Variants in ANKRD12 observed in about 807,000 individuals in gnomAD.
ANKRD12 encodes the protein ankyrin repeat domain-containing protein 12.
In ANKRD12, 85 loss-of-function variants were observed where a neutral mutation model predicts 183.4. The ratio of observed to expected loss-of-function variants is 0.46; its 90% CI spans 0.39 to 0.56. The LOEUF (loss-of-function observed/expected upper bound fraction) is 0.56. ANKRD12 is among the 20% of genes least tolerant of loss of function. The probability of loss-of-function intolerance (pLI) is 0.00; values close to 1 mark genes in which losing one functional copy is unlikely to be tolerated. For missense variants in ANKRD12, 2,405 were observed against 2,357.1 expected (o/e 1.02, Z -0.42); for synonymous variants, 914 against 800.2 (o/e 1.14, Z -2.40).
At chr18:9,249,537 A>T (rs1004704026) in intron 8 of ANKRD12, 1 of 152,232 alleles carries the variant, frequency 6.6e-6, no homozygotes, top group African/African-American at 2.4e-5. Flanking sequence ...AACCACTTCA[A>T]ATAAACATAA....
chr18:9,264,011 G>A, intron 10 of ANKRD12, 123 bp downstream of exon 10: 1 of 935,480 alleles, frequency 1.1e-6, no homozygotes, highest in South Asian at 3.4e-5. Context: ...GAAGTGATTT[G>A]GTTTTATCTT....
chr18:9,137,339 C>T (rs577528612), intron 1 of ANKRD12, among the ~76,000 whole-genome samples: 3 of 146,642 alleles, frequency 2.0e-5, no homozygotes, highest in Non-Finnish European at 3.0e-5. Context: ...GCGAGCTGGC[C>T]TCGTCGCGGG....
At chr18:9,247,890 G>A (rs1356107724) in intron 8 of ANKRD12, among the ~76,000 whole-genome samples, 3 of 152,018 alleles carry the variant, frequency 2.0e-5, no homozygotes, top group East Asian at 1.9e-4. Context: ...AGGTTCAAGC[G>A]ATTCTCCTGC....
chr18:9,182,341 T>G (rs1363540593), intron 1 of ANKRD12, 41 bp from the exon 2 acceptor site: 3 of 238,472 alleles, frequency 1.3e-5, no homozygotes, highest in Non-Finnish European at 1.5e-5. Flanking sequence ...TAACCTATTG[T>G]ATATATATTC....
intron 10 of ANKRD12, among the ~76,000 whole-genome samples, chr18:9,264,208 G>A (rs1318913427): frequency 6.6e-6 from 1 of 152,118 alleles, no homozygotes; most frequent in Non-Finnish European, 1.5e-5. Flanking sequence ...TCATTGCTTG[G>A]TACCAGCTGT....
intron 8 of ANKRD12, among the ~76,000 whole-genome samples, chr18:9,226,926 G>A (rs975022147): frequency 6.6e-6 from 1 of 152,142 alleles, no homozygotes; most frequent in Admixed American, 6.6e-5. Flanking sequence ...TATCCGCAGA[G>A]ATGGTAATTA....
chr18:9,243,170 T>G (rs2037758649), intron 8 of ANKRD12, among the ~76,000 whole-genome samples: 1 of 152,242 alleles, frequency 6.6e-6, no homozygotes, highest in South Asian at 2.1e-4. Flanking sequence ...ATGTACATAA[T>G]TCTTGAATAC....
At chr18:9,240,554 T>G (rs973012388) in intron 8 of ANKRD12, among the ~76,000 whole-genome samples, 3 of 152,322 alleles carry the variant, frequency 2.0e-5, no homozygotes. Context: ...GAGGTTTTGT[T>G]AACAACTTTG....
chr18:9,209,425 C>G (rs1249044409), intron 5 of ANKRD12, among the ~76,000 whole-genome samples: 1 of 152,092 alleles, frequency 6.6e-6, no homozygotes, highest in African/African-American at 2.4e-5. Context: ...GCCCTGAATT[C>G]AAAGCAATTT....
chr18:9,271,446 G>T (rs2039599661), intron 10 of ANKRD12, among the ~76,000 whole-genome samples: 3 of 152,154 alleles, frequency 2.0e-5, no homozygotes, highest in Non-Finnish European at 4.4e-5. Context: ...GTGAACCCAG[G>T]AGGCGGAGGT....
At chr18:9,187,083 G>A (rs537057287) in intron 2 of ANKRD12, among the ~76,000 whole-genome samples, 1 of 152,062 alleles carries the variant, frequency 6.6e-6, no homozygotes, top group South Asian at 2.1e-4. Context: ...ATAGTGAGTG[G>A]CATTGAAGTC....
intron 4 of ANKRD12, 27 bp from the exon 5 acceptor site, chr18:9,208,630 T>C: frequency 6.3e-7 from 1 of 1,583,430 alleles, no homozygotes; most frequent in Non-Finnish European, 8.6e-7. Context: ...TTGTTTCAAA[T>C]TCTTACATAT....
intron 8 of ANKRD12, among the ~76,000 whole-genome samples, chr18:9,249,910 G>A (rs939372570): frequency 4.6e-5 from 7 of 152,216 alleles, no homozygotes; most frequent in Non-Finnish European, 7.3e-5. Flanking sequence ...TGTGTAGCAA[G>A]AAGCAATGAA....
At chr18:9,188,286 C>T (rs2034235287) in intron 2 of ANKRD12, among the ~76,000 whole-genome samples, 1 of 152,186 alleles carries the variant, frequency 6.6e-6, no homozygotes, top group South Asian at 2.1e-4. Flanking sequence ...TTATGATGGG[C>T]AGTAAGTCTG....
chr18:9,184,505 A>G (rs999577685), intron 2 of ANKRD12, among the ~76,000 whole-genome samples: 1 of 151,620 alleles, frequency 6.6e-6, no homozygotes, highest in Non-Finnish European at 1.5e-5. Flanking sequence ...CAATCCTTCC[A>G]CCTCAGCCTC....
intron 1 of ANKRD12, among the ~76,000 whole-genome samples, chr18:9,170,359 G>A (rs1182225322): frequency 1.3e-5 from 2 of 152,210 alleles, no homozygotes; most frequent in African/African-American, 4.8e-5. Flanking sequence ...CCAGTCAGAT[G>A]TAGATTTGGT....
At chr18:9,250,555 CA>C (rs1339728624) in intron 8 of ANKRD12, among the ~76,000 whole-genome samples, 1 of 152,048 alleles carries the variant, frequency 6.6e-6, no homozygotes, top group Admixed American at 6.5e-5. Flanking sequence ...CTCATCTCCA[CA>C]AAAAAAGAAG....
chr18:9,175,520 C>CTT (rs2033181110), intron 1 of ANKRD12, among the ~76,000 whole-genome samples: 1 of 68,266 alleles, frequency 1.5e-5, no homozygotes, highest in African/African-American at 4.0e-5. Flanking sequence ...TTCAAAGGCT[C>CTT]CTCTTTTTTT....
chr18:9,271,047 T>C (rs1168136903), intron 10 of ANKRD12, among the ~76,000 whole-genome samples: 4 of 152,200 alleles, frequency 2.6e-5, no homozygotes, highest in South Asian at 2.1e-4. Flanking sequence ...TTAGGTGTCA[T>C]ATAGCAGCAG....
Sources: gnomAD v4.1 joint callset for allele counts (sites outside exome capture counted in the v4.1 genomes callset) on GRCh38, gnomAD v4.1.1 for gene constraint, MANE v1.5 for transcripts, NCBI Gene and HGNC (gene_info 2026-07-23, HGNC 2026-07-21) for gene names.